The following TEX261 variants were observed in gnomAD, a reference collection of about 807,000 sequenced individuals.
TEX261 encodes testis expressed 261, also known as protein TEX261.
In TEX261, 13 loss-of-function variants were observed where a neutral mutation model predicts 25.1. The ratio of observed to expected loss-of-function variants is 0.52; its 90% CI spans 0.34 to 0.82. The LOEUF is 0.82. Among genes scored for constraint, TEX261 ranks in the 40% least tolerant of loss-of-function variants. TEX261 has a pLI of 0.02. For synonymous variants in TEX261, 92 were observed against 97.8 expected, an observed-to-expected ratio of 0.94 and a Z score of 0.35; for missense variants, 206 against 243.2, an observed-to-expected ratio of 0.85 and a Z score of 1.02.
chr2:70,989,085 G>T, intron 4 of TEX261, 68 bp from the exon 5 acceptor site: 3 of 1,393,216 alleles, frequency 2.2e-6, no homozygotes, highest in Non-Finnish European at 3.0e-6. Flanking sequence ...TGTGGTGACT[G>T]CGTGTTGGTC....
intron 3 of TEX261, among the ~76,000 whole-genome samples, chr2:70,990,429 GAC>G (rs60269609): frequency 4.6e-5 from 7 of 150,542 alleles, no homozygotes; most frequent in Admixed American, 6.6e-5. Flanking sequence ...ATACGTTCTG[GAC>G]ACACACACAC....
intron 3 of TEX261, among the ~76,000 whole-genome samples, chr2:70,990,577 A>G (rs1368748255): frequency 6.6e-6 from 1 of 152,160 alleles, no homozygotes; most frequent in Non-Finnish European, 1.5e-5. Context: ...ACCAGAAAGA[A>G]CATGTCCCCT....
chr2:70,987,900 T>A lies in TEX261; in HGVS notation c.*700A>T, dbSNP rs1198822259. ...GGGGAAAGAGATGGAAGAGAGTGCA[T>A]CAGAGAGGCTGCCTATAGCCCCACT... is the stretch of plus-strand genomic sequence containing the variant. On this transcript the variant is annotated 3_prime_UTR_variant, in exon 6 of 6. Coordinates refer to ENST00000272438, the MANE Select transcript of TEX261 (RefSeq NM_144582.3). 6.6e-6 allele frequency: 1 copy of A among 152,506 alleles called. No homozygotes were observed. The highest frequency in any genetic ancestry group is 1.5e-5 in the Non-Finnish European group (1 of 68,126). The allele number at this position is 152,506 out of a possible 1,614,324, so 9.4% of individuals were successfully genotyped here.
At position 70,993,754 on chromosome 2, in the gene TEX261, G is replaced by A; in HGVS notation, c.92C>T (p.Ala31Val). 1 of 1,613,114 alleles carries A rather than the reference G, an allele frequency of 6.2e-7. No individual in the cohort carries two copies. The highest frequency in any genetic ancestry group is 8.5e-7 in the Non-Finnish European group (1 of 1,179,980). ...CACTGTGTATTCTTCTATCAGTTCT[G>A]CCAGGTAATAGAGTCCAGCCGCTGC... The part of the protein sequence containing the change: ...LAVAAGLYYL[A>V]ELIEEYTVAT... Residue 31 changes from alanine to valine, a missense_variant, in exon 2 of 6, where the codon GCA (alanine) becomes GTA (valine). By Grantham distance (64) the Ala-to-Val change is moderately conservative (BLOSUM62 0). Coordinates refer to ENST00000272438, the MANE Select transcript of TEX261 (RefSeq NM_144582.3).
intron 4 of TEX261, 72 bp downstream of exon 4, chr2:70,989,677 A>C: frequency 9.6e-7 from 1 of 1,045,734 alleles, no homozygotes; most frequent in Non-Finnish European, 1.5e-6. Flanking sequence ...CTAAGTTTAT[A>C]AAGTAAACCA....
intron 1 of TEX261, 35 bp from the exon 2 acceptor site, chr2:70,993,810 G>C: frequency 6.4e-7 from 1 of 1,556,780 alleles, no homozygotes; most frequent in Non-Finnish European, 8.8e-7. Context: ...TATCAGCCAG[G>C]GTCACTCCCA....
chr2:70,991,935 T>C lies in TEX261; in HGVS notation c.199A>G (p.Thr67Ala). The C allele has an allele frequency of 6.2e-7, 1 of 1,613,382 alleles. No homozygotes were observed. The highest frequency in any genetic ancestry group is 1.1e-5 in the South Asian group (1 of 90,968). The change falls in exon 3 of 6, where the codon ACC (threonine) becomes GCC (alanine). Residue 67 changes from threonine to alanine, a missense_variant. Physicochemically the swap from Thr to Ala is moderately conservative, Grantham distance 58 (BLOSUM62 0). Coordinates refer to ENST00000272438, the MANE Select transcript of TEX261 (RefSeq NM_144582.3). ...AATAGGCCCACTCCAATCATGCTGG[T>C]GGGGAAGCGCTCAAAGACGTAGAGG... ...IGLYVFERFP[T>A]SMIGVGLFTN...
Position 70,991,835 on chromosome 2 carries a change from G to C in TEX261, c.299C>G (p.Ser100Trp). Residue 100 changes from serine (S) to tryptophan (W), a missense_variant, in exon 3 of 6, where the codon TCG (serine) becomes TGG (tryptophan). Ser to Trp is a radical substitution (Grantham distance 177). Coordinates refer to ENST00000272438, the MANE Select transcript of TEX261 (RefSeq NM_144582.3). ...CCAACTCTGTCCCCTCTCACCACAC[G>C]ACAGGATGAAGTTAGGCGAGGTCAG... ...IMLTSPNFILSCGLVVVNHYL... is the reference protein window; with the variant it reads ...IMLTSPNFILWCGLVVVNHYL... 2 of 1,613,224 alleles carry C rather than the reference G, an allele frequency of 1.2e-6. No individual in the cohort carries two copies. Among genetic ancestry groups the C allele is most frequent in the Non-Finnish European group, 1.7e-6 (2 of 1,179,606 alleles).
chr2:70,994,826 G>GCCGCCA lies in TEX261; in HGVS notation c.-75_-70dup, dbSNP rs1293944805. 6 of 1,286,202 alleles carry GCCGCCA rather than the reference G, an allele frequency of 4.7e-6. No individual in the cohort carries two copies. The South Asian group carries it at 8.2e-5, about 18-fold the overall frequency. 79.7% of individuals were successfully genotyped at this position (1,286,202 alleles called of 1,614,324 possible). On this transcript the variant is annotated 5_prime_UTR_variant, in exon 1 of 6. Transcript: ENST00000272438. ...CGCGCTTCGGCTCCGGCGACACACA[G>GCCGCCA]CCGCCACCGCCGCCGCCGCCGCCGC...
chr2:70,992,209 G>C (rs572011505), intron 2 of TEX261, among the ~76,000 whole-genome samples: 2 of 150,812 alleles, frequency 1.3e-5, no homozygotes, highest in African/African-American at 4.9e-5. Context: ...GCAGTGGCGC[G>C]ATCTCCTGGA....
chr2:70,989,560 G>C (rs539630459), intron 4 of TEX261, 189 bp downstream of exon 4: 30 of 574,560 alleles, frequency 5.2e-5, no homozygotes, highest in African/African-American at 4.7e-4. Flanking sequence ...TCCCCACCTC[G>C]GCCAAATGAG....
intron 2 of TEX261, among the ~76,000 whole-genome samples, chr2:70,993,261 C>T (rs948842132): frequency 6.6e-6 from 1 of 152,194 alleles, no homozygotes; most frequent in Non-Finnish European, 1.5e-5. Flanking sequence ...GCGAGGGCAG[C>T]GAAGCTGTGC....
At position 70,994,873 on chromosome 2, in the gene TEX261, G is replaced by A. The variant is rs1232083836; in HGVS notation, c.-116C>T. On this transcript the variant is annotated 5_prime_UTR_variant, in exon 1 of 6. Coordinates refer to ENST00000272438, the MANE Select transcript of TEX261 (RefSeq NM_144582.3). Reference sequence around the variant, plus strand: ...CCGCGTCCCCGCCCCGCGGACGACAGGACGACGGTGCGCCGCCGCCGAGAG... The same window carrying A: ...CCGCGTCCCCGCCCCGCGGACGACAAGACGACGGTGCGCCGCCGCCGAGAG... 7 of 1,172,806 alleles carry A rather than the reference G, an allele frequency of 6.0e-6. No homozygotes were observed. The Admixed American group carries it at 1.9e-4, about 32-fold the overall frequency. The allele number at this position is 1,172,806 out of a possible 1,614,324, so 72.6% of individuals were successfully genotyped here. A position where few individuals can be genotyped will look rare whatever the true frequency, so the allele number is the denominator to read the frequency against.
At position 70,994,770 on chromosome 2, in the gene TEX261, C is replaced by G; in HGVS notation, c.-13G>C. On this transcript the variant is annotated 5_prime_UTR_variant, in exon 1 of 6. Coordinates refer to ENST00000272438, the MANE Select transcript of TEX261 (RefSeq NM_144582.3). ...ACATGAACCACATGGCGCCCCCACC[C>G]GCCCGCTCCCCGGCCACCGGGACGG... is the stretch of plus-strand genomic sequence containing the variant. 1 of 1,579,922 alleles carries G rather than the reference C, an allele frequency of 6.3e-7. No individual in the cohort carries two copies. Among genetic ancestry groups the G allele is most frequent in the Non-Finnish European group, 8.6e-7 (1 of 1,166,144 alleles).
intron 4 of TEX261, chr2:70,989,220 GGCCAC>G: frequency 1.6e-6 from 1 of 608,062 alleles, no homozygotes; most frequent in South Asian, 1.9e-5. Flanking sequence ...GACTGAATGT[GGCCAC>G]AAACCCCATA....
chr2:70,992,971 T>C (rs1246972705), intron 2 of TEX261, among the ~76,000 whole-genome samples: 1 of 152,242 alleles, frequency 6.6e-6, no homozygotes, highest in Non-Finnish European at 1.5e-5. Context: ...GGCTAATTAC[T>C]GTGCCAACAC....
chr2:70,994,313 G>A (rs1670364553), intron 1 of TEX261, among the ~76,000 whole-genome samples: 1 of 152,272 alleles, frequency 6.6e-6, no homozygotes, highest in Non-Finnish European at 1.5e-5. Context: ...TGTCAAAGGT[G>A]GAGAGAGCAG....
chr2:70,988,752 G>GAC, intron 5 of TEX261, 37 bp from the exon 6 acceptor site: 1 of 1,539,424 alleles, frequency 6.5e-7, no homozygotes, highest in Non-Finnish European at 9.0e-7. Flanking sequence ...GAGAGAGAGA[G>GAC]AGTGTGTGTG....
Position 70,985,961 on chromosome 2 carries a change from T to A in TEX261, c.*2639A>T, listed in dbSNP as rs909608825. ...AATTCATTCATTAAACAAACATTTA[T>A]TGAGTGCTTTCTAGGTGCCAGGCAC... On this transcript the variant is annotated 3_prime_UTR_variant, in exon 6 of 6. Coordinates refer to ENST00000272438, the MANE Select transcript of TEX261 (RefSeq NM_144582.3). 5 of 152,420 alleles carry A rather than the reference T, an allele frequency of 3.3e-5. No homozygotes were observed. The highest frequency in any genetic ancestry group is 3.3e-4 in the Admixed American group (5 of 15,294). The allele number at this position is 152,420 out of a possible 1,614,324, so 9.4% of individuals were successfully genotyped here.
Sources: allele counts gnomAD v4.1 joint callset (sites outside exome capture counted in the v4.1 genomes callset), GRCh38; gene constraint gnomAD v4.1.1; transcripts MANE v1.5; gene names NCBI Gene and HGNC (gene_info 2026-07-23, HGNC 2026-07-21).